TROAP: variants seen among roughly 807,000 people sequenced by gnomAD.
TROAP encodes the protein trophinin associated protein.
Under a neutral mutation model 83.4 loss-of-function variants are expected in TROAP, and 62 were observed. The observed-to-expected ratio is 0.74, with a 90% CI of 0.61 to 0.92. The LOEUF (loss-of-function observed/expected upper bound fraction) is 0.92, where lower values mean the gene tolerates loss of function less well. Among genes scored for constraint, TROAP ranks in the 40% least tolerant of loss-of-function variants. The pLI, the probability that TROAP is intolerant of heterozygous loss-of-function variation, is 0.00. For synonymous variants in TROAP, 352 were observed against 386.4 expected, an observed-to-expected ratio of 0.91 and a Z score of 1.04; for missense variants, 876 against 985.1, an observed-to-expected ratio of 0.89 and a Z score of 1.48.
rs766807682 is a variant in TROAP at position 49,329,194 on chromosome 12, C to T, written c.1054C>T (p.Gln352Ter). Reference sequence around the variant, plus strand: ...TTCAGTGTTGCGGCGTCTCACCGTTCAACCTAAAACCCGGTTCACACCCAT... The same window carrying T: ...TTCAGTGTTGCGGCGTCTCACCGTTTAACCTAAAACCCGGTTCACACCCAT... ...SYSVLRRLTV[Q>*]PKTRFTPMPS... is the part of the protein sequence containing the mutation. Residue 352 changes from glutamine to a stop codon, truncating the protein, a stop_gained, in exon 10 of 15, where the codon CAA becomes TAA. Coordinates refer to ENST00000257909, the MANE Select transcript of TROAP (RefSeq NM_005480.4). LOFTEE classifies it high-confidence loss of function. This position sits in a 1 kb window ranked among gnomAD's most constrained non-coding sequence, Gnocchi z 4.5. 1 of 1,614,124 alleles carries T rather than the reference C, an allele frequency of 6.2e-7. No homozygotes were observed. The highest frequency in any genetic ancestry group is 1.1e-5 in the South Asian group (1 of 91,074).
intron 8 of TROAP, 74 bp downstream of exon 8, chr12:49,327,404 A>G: frequency 6.3e-7 from 1 of 1,581,200 alleles, no homozygotes; most frequent in Non-Finnish European, 8.6e-7. Flanking sequence ...TGCAGCAGCC[A>G]ACACTGAGAA....
chr12:49,326,794 C>T, intron 7 of TROAP, 74 bp downstream of exon 7: 2 of 1,501,994 alleles, frequency 1.3e-6, no homozygotes, highest in Non-Finnish European at 1.8e-6. Context: ...CCAGAGAAAA[C>T]TCAGCAGGCT....
Position 49,329,932 on chromosome 12 carries a change from G to A in TROAP, c.1240G>A (p.Ala414Thr), listed in dbSNP as rs1943553269. The A allele has an allele frequency of 8.7e-6, 14 of 1,613,980 alleles. No homozygotes were observed. The highest frequency in any genetic ancestry group is 2.2e-5 in the East Asian group (1 of 44,902). Reference protein sequence around the residue: ...SLEGSGKPPVATPSGPHSNRT... With the variant: ...SLEGSGKPPVTTPSGPHSNRT... The stretch of plus-strand genomic sequence containing the variant: ...GGAGGGTTCTGGGAAACCACCGGTG[G>A]CCACTCCTTCTGGACCCCACTCTAA... Residue 414 changes from alanine to threonine, a missense_variant, in exon 12 of 15, where the codon GCC becomes ACC. By Grantham distance (58) the Ala-to-Thr change is moderately conservative. Around this residue, in one of 3 missense-constraint regions of TROAP, gnomAD observed 689 missense variants for 722.6 expected, o/e 0.95. Coordinates refer to ENST00000257909, the MANE Select transcript of TROAP (RefSeq NM_005480.4). This position sits in a 1 kb window ranked among gnomAD's most constrained non-coding sequence, Gnocchi z 4.5.
At chr12:49,326,022 A>G in intron 5 of TROAP, 54 bp from the exon 6 acceptor site, 5 of 1,608,844 alleles carry the variant, frequency 3.1e-6, no homozygotes, top group Non-Finnish European at 4.2e-6. Flanking sequence ...GTGAGGCCTG[A>G]GGGTTTGGGG....
Position 49,330,194 on chromosome 12 carries a change from T to A in TROAP, c.1349T>A (p.Val450Glu), listed in dbSNP as rs769571105. 1.2e-6 allele frequency: 2 copies of A among 1,613,918 alleles called. No individual in the cohort carries two copies. The highest frequency in any genetic ancestry group is 2.7e-5 in the African/African-American group (2 of 74,902). ...TTGAGACAGGAAGTAGAGGGGCTGG[T>A]AGGGGGCCAGTGTGTCCCTCTTAAT... ...QLLRQEVEGL[V>E]GGQCVPLNGG... is the part of the protein sequence containing the mutation. The change falls in exon 13 of 15, where the codon GTA (valine) becomes GAA (glutamate). Residue 450 changes from valine to glutamate, a missense_variant. By Grantham distance (121) the Val-to-Glu change is moderately radical (BLOSUM62 -2). Transcript: ENST00000257909.
Position 49,329,305 on chromosome 12 carries a change from A to G in TROAP, c.1104+61A>G. The G allele has an allele frequency of 1.2e-6, 2 of 1,612,932 alleles. No individual in the cohort carries two copies. Among genetic ancestry groups the G allele is most frequent in the Non-Finnish European group, 8.5e-7 (1 of 1,178,890 alleles). On this transcript the variant is annotated intron_variant, in intron 10 of 14. Transcript: ENST00000257909. The surrounding 1 kb of genome is among the most constrained non-coding windows in gnomAD (Gnocchi z 4.5). Reference sequence around the variant, plus strand: ...CACAGCTAGGGGAGAAAGGAGATGGATGGGTACAGGAGAGAGAAGACAGAA... The same window carrying G: ...CACAGCTAGGGGAGAAAGGAGATGGGTGGGTACAGGAGAGAGAAGACAGAA...
Position 49,327,312 on chromosome 12 carries a change from A to G in TROAP, c.873A>G (p.Arg291=). 1 of 1,614,026 alleles carries G rather than the reference A, an allele frequency of 6.2e-7. No individual in the cohort carries two copies. The highest frequency in any genetic ancestry group is 2.2e-5 in the East Asian group (1 of 44,886). ...LAQRVPLREN[R]EMSHTRDSHD... ...AGCGAGTACCATTAAGAGAAAACCG[A>G]GAAATGTCACATACCAGGGTGAGAT... The change falls in exon 8 of 15, where the codon CGA becomes CGG. Residue 291 remains arginine, a synonymous_variant. Coordinates refer to ENST00000257909, the MANE Select transcript of TROAP (RefSeq NM_005480.4).
In TROAP at chr12:49,325,638, G is replaced by A; in HGVS notation, c.475G>A (p.Gly159Ser). The part of the protein sequence containing the change: ...KRVLVRGSQG[G>S]TTQRVQGVRA... ...AGTACTGGTTCGAGGAAGTCAGGGAGGCACCACCCAGAGGGTCCAGGTAAT... is the reference window on the plus strand; with the variant it reads ...AGTACTGGTTCGAGGAAGTCAGGGAAGCACCACCCAGAGGGTCCAGGTAAT... The change falls in exon 4 of 15, where the codon GGC becomes AGC. Residue 159 changes from glycine (G) to serine (S), a missense_variant. Gly to Ser is a moderately conservative substitution (Grantham distance 56). Coordinates refer to ENST00000257909, the MANE Select transcript of TROAP (RefSeq NM_005480.4). The A allele has an allele frequency of 6.2e-7, 1 of 1,613,734 alleles. No individual in the cohort carries two copies. The highest frequency in any genetic ancestry group is 2.2e-5 in the East Asian group (1 of 44,870).
At chr12:49,324,090 G>A (rs753915271) in intron 3 of TROAP, 53 bp downstream of exon 3, 1 of 1,613,080 alleles carries the variant, frequency 6.2e-7, no homozygotes, top group African/African-American at 1.3e-5. Context: ...AGGGGACTAG[G>A]AAGGGTAAAA....
At chr12:49,325,394 T>A in intron 3 of TROAP, 107 bp from the exon 4 acceptor site, 1 of 1,137,532 alleles carries the variant, frequency 8.8e-7, no homozygotes, top group Non-Finnish European at 1.2e-6. Context: ...TAAGCCAAAT[T>A]CAATTGAATG....
chr12:49,323,663 C>T lies in TROAP; in HGVS notation c.55C>T (p.Pro19Ser). The T allele has an allele frequency of 6.2e-7, 1 of 1,614,148 alleles. No individual in the cohort carries two copies. Among genetic ancestry groups the T allele is most frequent in the Non-Finnish European group, 8.5e-7 (1 of 1,180,030 alleles). ...DPLLRGVSPT[P>S]SKIPVRSQKR... ...CCTCCTCCGGGGTGTATCTCCTACC[C>T]CTAGCAAGATTCCGGTACGCTCTCA... Residue 19 changes from proline (P) to serine (S), a missense_variant, in exon 2 of 15, where the codon CCT (proline) becomes TCT (serine). Transcript: ENST00000257909.
chr12:49,330,542 T>C lies in TROAP; in HGVS notation c.1697T>C (p.Ile566Thr), dbSNP rs371697947. Residue 566 changes from isoleucine to threonine, a missense_variant, in exon 13 of 15, where the codon ATA (isoleucine) becomes ACA (threonine). Physicochemically the swap from Ile to Thr is moderately conservative, Grantham distance 89. Around this residue, in one of 3 missense-constraint regions of TROAP, gnomAD observed 689 missense variants for 722.6 expected, o/e 0.95. Coordinates refer to ENST00000257909, the MANE Select transcript of TROAP (RefSeq NM_005480.4). Reference protein sequence around the residue: ...LESCCRSEPEIPESSRQEQLE... With the variant: ...LESCCRSEPETPESSRQEQLE... ...TCCTGCTGTAGGAGTGAGCCTGAGATACCGGAGTCCTCTCGCCAGGAACAG... is the reference window on the plus strand; with the variant it reads ...TCCTGCTGTAGGAGTGAGCCTGAGACACCGGAGTCCTCTCGCCAGGAACAG... The C allele has an allele frequency of 5.0e-6, 8 of 1,613,404 alleles. No individual in the cohort carries two copies. The highest frequency in any genetic ancestry group is 3.3e-5 in the Admixed American group (2 of 59,992).
Position 49,330,483 on chromosome 12 carries a change from G to A in TROAP, c.1638G>A (p.Glu546=). The change falls in exon 13 of 15, where the codon GAG becomes GAA. Residue 546 remains glutamate, a synonymous_variant. Transcript: ENST00000257909. ...PSLQEQLEVP[E]PYPPAEPRPL... ...TCCAGGAACAGCTTGAAGTACCAGA[G>A]CCCTACCCTCCAGCAGAACCCAGGC... The A allele has an allele frequency of 6.2e-7, 1 of 1,613,672 alleles. No individual in the cohort carries two copies. Among genetic ancestry groups the A allele is most frequent in the Non-Finnish European group, 8.5e-7 (1 of 1,179,728 alleles).
Position 49,329,578 on chromosome 12 carries a change from C to CT in TROAP, c.1164+124_1164+125insT. On this transcript the variant is annotated intron_variant, in intron 11 of 14. Transcript: ENST00000257909. The surrounding 1 kb of genome is among the most constrained non-coding windows in gnomAD (Gnocchi z 4.5). ...TGGTGGCTCACACCTGTAATCCCAG[C>CT]ACTTTGGGAGGCTGAGGTAGGAGGA... 8.3e-7 allele frequency: 1 copy of CT among 1,207,874 alleles called. No individual in the cohort carries two copies. The allele number at this position is 1,207,874 out of a possible 1,614,324, so 74.8% of individuals were successfully genotyped here.
chr12:49,327,812 G>C (rs1943523454), intron 8 of TROAP, among the ~76,000 whole-genome samples: 1 of 151,998 alleles, frequency 6.6e-6, no homozygotes, highest in Non-Finnish European at 1.5e-5. Flanking sequence ...TAATAATAAG[G>C]CACTAAAGGA....
At chr12:49,325,949 C>T in intron 5 of TROAP, 65 bp downstream of exon 5, 1 of 1,604,132 alleles carries the variant, frequency 6.2e-7, no homozygotes, top group Non-Finnish European at 8.5e-7. Context: ...CAAAGCTGGG[C>T]TCTGGGAGAA....
In TROAP at chr12:49,327,346, C is replaced by A; in HGVS notation, c.891+16C>A. 1 of 1,611,564 alleles carries A rather than the reference C, an allele frequency of 6.2e-7. No individual in the cohort carries two copies. Among genetic ancestry groups the A allele is most frequent in the Non-Finnish European group, 8.5e-7 (1 of 1,178,360 alleles). ...ACATACCAGGGTGAGATGCGACTCT[C>A]CTGGGATGGTGGGTGGGAGGTGCAG... On this transcript the variant is annotated intron_variant, in intron 8 of 14. Coordinates refer to ENST00000257909, the MANE Select transcript of TROAP (RefSeq NM_005480.4).
chr12:49,329,681 A>G lies in TROAP; in HGVS notation c.1165-176A>G, dbSNP rs1943550013. 1 of 1,129,426 alleles carries G rather than the reference A, an allele frequency of 8.9e-7. No homozygotes were observed. Among genetic ancestry groups the G allele is most frequent in the Non-Finnish European group, 1.3e-6 (1 of 786,688 alleles). 70.0% of individuals were successfully genotyped at this position (1,129,426 alleles called of 1,614,324 possible). On this transcript the variant is annotated intron_variant, in intron 11 of 14. Transcript: ENST00000257909. The surrounding 1 kb of genome is among the most constrained non-coding windows in gnomAD (Gnocchi z 4.5). ...TCTCCACTAAAATTTTAAAAATTAG[A>G]AAGTGCTCTCTGGAAAAGCTGCCTA...
At position 49,330,557 on chromosome 12, in the gene TROAP, G is replaced by A. The variant is rs758370419; in HGVS notation, c.1712G>A (p.Arg571His). Reference sequence around the variant, plus strand: ...GAGCCTGAGATACCGGAGTCCTCTCGCCAGGAACAGCTTGAGGTACCTGAG... The same window carrying A: ...GAGCCTGAGATACCGGAGTCCTCTCACCAGGAACAGCTTGAGGTACCTGAG... ...RSEPEIPESS[R>H]QEQLEVPEPC... is the part of the protein sequence containing the mutation. Residue 571 changes from arginine to histidine, a missense_variant, in exon 13 of 15, where the codon CGC (arginine) becomes CAC (histidine). Around this residue, in one of 3 missense-constraint regions of TROAP, gnomAD observed 689 missense variants for 722.6 expected, o/e 0.95. Transcript: ENST00000257909. 9.3e-6 allele frequency: 15 copies of A among 1,611,590 alleles called. No homozygotes were observed. The highest frequency in any genetic ancestry group is 6.7e-5 in the African/African-American group (5 of 74,114).
Sources: gnomAD v4.1 joint callset for allele counts (sites outside exome capture counted in the v4.1 genomes callset) on GRCh38, gnomAD v4.1.1 for gene constraint, gnomAD v4.1.1 regional missense constraint, Gnocchi (gnomAD v3.1) non-coding constraint, MANE v1.5 for transcripts, NCBI Gene and HGNC (gene_info 2026-07-23, HGNC 2026-07-21) for gene names.